The following GRM7 variants were observed in gnomAD, a reference collection of about 807,000 sequenced individuals.
GRM7 encodes the protein glutamate metabotropic receptor 7, also known as metabotropic glutamate receptor 7.
GRM7 carries 35 observed loss-of-function variants against 84.5 expected under a neutral mutation model. That is an observed-to-expected ratio of 0.41 (90% confidence interval 0.32 to 0.55). The LOEUF is 0.55. GRM7 is among the 20% of genes least tolerant of loss of function. The pLI is 0.19. For missense variants in GRM7, 1,003 were observed against 1,194.6 expected, an observed-to-expected ratio of 0.84 and a Z score of 2.36; for synonymous variants, 487 against 455.1, an observed-to-expected ratio of 1.07 and a Z score of -0.89.
intron 2 of GRM7, among the ~76,000 whole-genome samples, chr3:7,168,744 A>C (rs1257371965): frequency 1.3e-5 from 2 of 152,230 alleles, no homozygotes; most frequent in South Asian, 4.1e-4. Context: ...ATGCGTAGTT[A>C]TACCCAGAGA....
intron 1 of GRM7, among the ~76,000 whole-genome samples, chr3:6,994,611 T>A (rs1240503273): frequency 6.6e-6 from 1 of 152,256 alleles, no homozygotes; most frequent in Non-Finnish European, 1.5e-5. Context: ...GTTGGTCAGA[T>A]GTTTATTCTG....
chr3:7,703,542 G>GA (rs999594906), intron 9 of GRM7, among the ~76,000 whole-genome samples: 2 of 152,010 alleles, frequency 1.3e-5, no homozygotes, highest in African/African-American at 4.8e-5. Context: ...CTATACAGGG[G>GA]ATCTTAGGGT....
chr3:6,931,302 G>A (rs1371463449), intron 1 of GRM7, among the ~76,000 whole-genome samples: 1 of 152,126 alleles, frequency 6.6e-6, no homozygotes, highest in Admixed American at 6.6e-5. Context: ...TGACTTACTA[G>A]CAATGTCTGC....
chr3:7,103,764 T>TTCTCTTTCTTTC (rs374304006), intron 1 of GRM7, among the ~76,000 whole-genome samples: 2 of 104,160 alleles, frequency 1.9e-5, no homozygotes, highest in African/African-American at 4.1e-5. Flanking sequence ...CTTTCTTTCT[T>TTCTCTTTCTTTC]TCTTTCTTTC....
intron 3 of GRM7, among the ~76,000 whole-genome samples, chr3:7,301,730 C>G (rs1050345812): frequency 6.6e-6 from 1 of 152,116 alleles, no homozygotes; most frequent in East Asian, 1.9e-4. Context: ...AATAATTATT[C>G]TTGAGCACAG....
At position 7,530,117 on chromosome 3, in the gene GRM7, G is replaced by A. The variant is rs1408732215; in HGVS notation, c.1516-48305G>A. 4.4e-4 allele frequency among the ~76,000 whole-genome samples: 15 copies of A among 34,078 alleles called. No individual in the cohort carries two copies. In the East Asian group the frequency reaches 7.3e-3, roughly 17 times the overall value. 22.4% of individuals were successfully genotyped at this position (34,078 alleles called of 152,430 possible). On this transcript the variant is annotated intron_variant, in intron 7 of 9. Transcript: ENST00000357716. ...TCCCCCCCACCCCCCAACAGGCCCC[G>A]GTGTGTGATGTTCCCCTCCCTGTGT...
At chr3:7,194,120 G>A (rs543483295) in intron 2 of GRM7, among the ~76,000 whole-genome samples, 2 of 152,058 alleles carry the variant, frequency 1.3e-5, no homozygotes, top group South Asian at 4.1e-4. Flanking sequence ...AAAAAATATT[G>A]TATAAAATGC....
intron 8 of GRM7, among the ~76,000 whole-genome samples, chr3:7,670,503 G>T (rs1048313504): frequency 1.3e-5 from 2 of 152,152 alleles, no homozygotes; most frequent in Admixed American, 6.5e-5. Flanking sequence ...GACACTGTTG[G>T]ATCTAGTTTT....
intron 5 of GRM7, among the ~76,000 whole-genome samples, chr3:7,427,939 A>C (rs189038824): frequency 6.6e-6 from 1 of 152,156 alleles, no homozygotes; most frequent in African/African-American, 2.4e-5. Flanking sequence ...AGACTTCAAA[A>C]CCTTATGTTT....
rs574276162 is a variant in GRM7 at position 6,938,422 on chromosome 3, C to G, written c.519+76515C>G. ...TGTAACTCCACTGCTCTGTCTCCCA[C>G]TGATCCTAGAGTCTTCAGTTGAGGA... is the stretch of plus-strand genomic sequence containing the variant. On this transcript the variant is annotated intron_variant, in intron 1 of 9. Coordinates refer to ENST00000357716, the MANE Select transcript of GRM7 (RefSeq NM_000844.4). Among the ~76,000 whole-genome samples the G allele has an allele frequency of 2.0e-4, 31 of 152,230 alleles. 1 individual carries two copies. Among genetic ancestry groups the G allele is most frequent in the Non-Finnish European group, 3.7e-4 (25 of 68,040 alleles).
intron 2 of GRM7, among the ~76,000 whole-genome samples, chr3:7,240,120 G>GTTTTTT (rs397988598): frequency 0.25 from 13,317 of 52,346 alleles, 3,252 homozygotes; most frequent in South Asian, 0.36. Context: ...AGCATGTGAG[G>GTTTTTT]TTTTTTTTTT....
At chr3:7,221,355 A>G (rs532345837) in intron 2 of GRM7, among the ~76,000 whole-genome samples, 7 of 152,126 alleles carry the variant, frequency 4.6e-5, no homozygotes, top group Non-Finnish European at 1.0e-4. Flanking sequence ...GATATTTTTA[A>G]GAAGTATTTG....
chr3:7,144,117 C>T (rs1210468626), intron 1 of GRM7, among the ~76,000 whole-genome samples: 1 of 152,140 alleles, frequency 6.6e-6, no homozygotes, highest in Non-Finnish European at 1.5e-5. Context: ...GTGATGTGAA[C>T]AGAAGTCAGC....
At chr3:7,673,314 T>C (rs1699998067) in intron 8 of GRM7, among the ~76,000 whole-genome samples, 1 of 152,192 alleles carries the variant, frequency 6.6e-6, no homozygotes, top group South Asian at 2.1e-4. Context: ...TTGCTTCAAG[T>C]GTCGAACTTT....
chr3:6,985,812 G>A (rs559614444), intron 1 of GRM7, among the ~76,000 whole-genome samples: 1 of 152,242 alleles, frequency 6.6e-6, no homozygotes, highest in South Asian at 2.1e-4. Context: ...TGTAAAGGGG[G>A]TAAACTATAG....
chr3:6,919,257 G>A (rs1396687906), intron 1 of GRM7, among the ~76,000 whole-genome samples: 4 of 151,716 alleles, frequency 2.6e-5, no homozygotes, highest in Non-Finnish European at 5.9e-5. Context: ...GGAGTGCAGT[G>A]GTGCCATCTT....
intron 7 of GRM7, among the ~76,000 whole-genome samples, chr3:7,544,324 G>A (rs1693034688): frequency 6.6e-6 from 1 of 152,120 alleles, no homozygotes; most frequent in Non-Finnish European, 1.5e-5. Flanking sequence ...ACCATGCCTG[G>A]CTAATTTTTA....
At chr3:7,388,319 G>A (rs958563660) in intron 4 of GRM7, among the ~76,000 whole-genome samples, 5 of 151,610 alleles carry the variant, frequency 3.3e-5, no homozygotes, top group East Asian at 1.9e-4. Flanking sequence ...TGGGACTTCC[G>A]GATGTGCTGC....
intron 1 of GRM7, among the ~76,000 whole-genome samples, chr3:7,067,991 A>G (rs375584140): frequency 6.6e-6 from 1 of 152,024 alleles, no homozygotes; most frequent in African/African-American, 2.4e-5. Context: ...ACTATTCAGA[A>G]CAACTGCCAT....
Sources: allele counts gnomAD v4.1 joint callset (sites outside exome capture counted in the v4.1 genomes callset), GRCh38; gene constraint gnomAD v4.1.1; transcripts MANE v1.5; gene names NCBI Gene and HGNC (gene_info 2026-07-23, HGNC 2026-07-21).